GRIN2B: variants seen among roughly 807,000 people sequenced by gnomAD.
The protein encoded by GRIN2B is glutamate ionotropic receptor NMDA type subunit 2B.
GRIN2B carries 5 observed loss-of-function variants against 114.5 expected under a neutral mutation model. The observed-to-expected ratio is 0.04, with a 90% CI of 0.02 to 0.09. The LOEUF (loss-of-function observed/expected upper bound fraction) is 0.09, where lower values mean the gene tolerates loss of function less well. Among genes scored for constraint, GRIN2B ranks in the 10% least tolerant of loss-of-function variants. The pLI is 1.00. For synonymous variants in GRIN2B, 787 were observed against 745.1 expected, an observed-to-expected ratio of 1.06 and a Z score of -0.92; for missense variants, 1,108 against 1,943.5, an observed-to-expected ratio of 0.57 and a Z score of 8.08.
At chr12:13,877,636 C>T (rs569357174) in intron 2 of GRIN2B, among the ~76,000 whole-genome samples, 15 of 152,230 alleles carry the variant, frequency 9.9e-5, no homozygotes, top group African/African-American at 3.6e-4. Flanking sequence ...ATTGTTAGGC[C>T]TTGTTACAGT....
intron 4 of GRIN2B, among the ~76,000 whole-genome samples, chr12:13,700,282 T>C (rs1950299057): frequency 6.6e-6 from 1 of 152,186 alleles, no homozygotes; most frequent in African/African-American, 2.4e-5. Context: ...GCCTATGTAA[T>C]TTCGCTAACT....
chr12:13,780,252 T>A (rs554714811), intron 3 of GRIN2B, among the ~76,000 whole-genome samples: 10 of 152,184 alleles, frequency 6.6e-5, no homozygotes, highest in Admixed American at 2.0e-4. Flanking sequence ...TTTATTTACC[T>A]ATTGTATGCA....
At chr12:13,853,840 C>G (rs931739330) in intron 3 of GRIN2B, among the ~76,000 whole-genome samples, 7 of 152,114 alleles carry the variant, frequency 4.6e-5, no homozygotes, top group Non-Finnish European at 8.8e-5. Context: ...TTTGCTGCCC[C>G]GAAATAATTA....
At chr12:13,922,338 T>C (rs1866838620) in intron 2 of GRIN2B, among the ~76,000 whole-genome samples, 1 of 152,056 alleles carries the variant, frequency 6.6e-6, no homozygotes, top group African/African-American at 2.4e-5. Context: ...GCTTCCACAA[T>C]GGAAGGTGGA....
chr12:13,921,241 A>G (rs1035386691), intron 2 of GRIN2B, among the ~76,000 whole-genome samples: 2 of 152,094 alleles, frequency 1.3e-5, no homozygotes, highest in East Asian at 1.9e-4. Flanking sequence ...TACTAAAAAT[A>G]CAACACATTA....
intron 4 of GRIN2B, among the ~76,000 whole-genome samples, chr12:13,723,202 C>T (rs999530235): frequency 2.0e-5 from 3 of 151,680 alleles, no homozygotes; most frequent in African/African-American, 7.3e-5. Context: ...AGGTTTGTTA[C>T]ATAGGTATAC....
chr12:13,801,545 A>G (rs984169283), intron 3 of GRIN2B, among the ~76,000 whole-genome samples: 1 of 152,186 alleles, frequency 6.6e-6, no homozygotes, highest in Non-Finnish European at 1.5e-5. Context: ...ACCATCTAAT[A>G]TGAAAACAAA....
chr12:13,731,400 C>T (rs764522588), intron 4 of GRIN2B, among the ~76,000 whole-genome samples: 5 of 152,070 alleles, frequency 3.3e-5, no homozygotes, highest in African/African-American at 4.8e-5. Context: ...GAGATCAAGA[C>T]CATCATGGCT....
At chr12:13,652,426 G>A (rs1418603405) in intron 5 of GRIN2B, among the ~76,000 whole-genome samples, 1 of 151,924 alleles carries the variant, frequency 6.6e-6, no homozygotes. Context: ...GCCAGAGAAG[G>A]CAACATTTGA....
rs1181788504 is a variant in GRIN2B at position 13,965,953 on chromosome 12, G to C, written c.-19+13975C>G. On this transcript the variant is annotated intron_variant, in intron 2 of 13. Coordinates refer to ENST00000609686, the MANE Select transcript of GRIN2B (RefSeq NM_000834.5). ...ATAAGACCTTTGTTTATCCGAGCAGGATCCCTCCAGACTTTCTCATCTAGG... is the reference window on the plus strand; with the variant it reads ...ATAAGACCTTTGTTTATCCGAGCAGCATCCCTCCAGACTTTCTCATCTAGG... Among the ~76,000 whole-genome samples, 3 of 152,114 alleles carry C rather than the reference G, an allele frequency of 2.0e-5. No homozygotes were observed. The East Asian group carries it at 5.8e-4, about 29-fold the overall frequency.
chr12:13,967,203 A>G (rs934939352), intron 2 of GRIN2B, among the ~76,000 whole-genome samples: 1 of 152,206 alleles, frequency 6.6e-6, no homozygotes. Context: ...AAAGAGGTCC[A>G]CAAATCATTC....
chr12:13,933,799 T>C (rs1867080677), intron 2 of GRIN2B, among the ~76,000 whole-genome samples: 1 of 152,122 alleles, frequency 6.6e-6, no homozygotes, highest in South Asian at 2.1e-4. Flanking sequence ...TGGAGCTACT[T>C]GCTGTGGTAA....
chr12:13,893,347 G>C (rs144472072), intron 2 of GRIN2B, among the ~76,000 whole-genome samples: 194 of 152,018 alleles, frequency 1.3e-3, no homozygotes, highest in African/African-American at 4.5e-3. Context: ...TGGAGGGGAG[G>C]GGGTAGCAGA....
At chr12:13,972,086 C>G (rs1333585994) in intron 2 of GRIN2B, among the ~76,000 whole-genome samples, 1 of 152,208 alleles carries the variant, frequency 6.6e-6, no homozygotes, top group East Asian at 1.9e-4. Flanking sequence ...CCCAGTCATT[C>G]TCAAATATGG....
rs199935748 is a variant in GRIN2B at position 13,563,442 on chromosome 12, G to A, written c.3796C>T (p.Pro1266Ser). The A allele has an allele frequency of 1.0e-4, 168 of 1,614,208 alleles. 1 individual carries two copies. The South Asian group carries it at 1.7e-3, about 17-fold the overall frequency. ...GACGTCACCGCCACTGGGGCAGCCG[G>A]CTGGTCCAGTTCCTGCAGGGAGTTG... is the stretch of plus-strand genomic sequence containing the variant. ...EDNSLQELDQ[P>S]AAPVAVTSNA... Residue 1266 changes from proline (P) to serine (S), a missense_variant, in exon 14 of 14, where the codon CCG becomes TCG. By Grantham distance (74) the Pro-to-Ser change is moderately conservative (BLOSUM62 -1). Coordinates refer to ENST00000609686, the MANE Select transcript of GRIN2B (RefSeq NM_000834.5).
chr12:13,718,460 G>A (rs1307033075), intron 4 of GRIN2B, among the ~76,000 whole-genome samples: 1 of 151,988 alleles, frequency 6.6e-6, no homozygotes, highest in Admixed American at 6.6e-5. Context: ...CTGGACCGAG[G>A]CAGTTCCAAA....
At chr12:13,818,160 T>A (rs1488319137) in intron 3 of GRIN2B, among the ~76,000 whole-genome samples, 1 of 152,228 alleles carries the variant, frequency 6.6e-6, no homozygotes, top group Non-Finnish European at 1.5e-5. Flanking sequence ...ATGATGGCAC[T>A]AATGAATGCA....
chr12:13,819,122 T>G (rs948317924), intron 3 of GRIN2B, among the ~76,000 whole-genome samples: 3 of 152,112 alleles, frequency 2.0e-5, no homozygotes, highest in African/African-American at 7.2e-5. Context: ...GACAAGTGTC[T>G]TTATAAAAAG....
intron 5 of GRIN2B, among the ~76,000 whole-genome samples, chr12:13,649,126 A>G (rs1949790999): frequency 6.6e-6 from 1 of 152,032 alleles, no homozygotes; most frequent in Non-Finnish European, 1.5e-5. Flanking sequence ...AATATTACTG[A>G]TCTTGCCAGG....
Sources: allele counts gnomAD v4.1 joint callset (sites outside exome capture counted in the v4.1 genomes callset), GRCh38; gene constraint gnomAD v4.1.1; transcripts MANE v1.5; gene names NCBI Gene and HGNC (gene_info 2026-07-23, HGNC 2026-07-21).